PBRM1: variants seen among roughly 807,000 people sequenced by gnomAD.
PBRM1 encodes the protein polybromo 1.
PBRM1 carries 27 observed loss-of-function variants against 194.5 expected under a neutral mutation model. The observed-to-expected ratio is 0.14, with a 90% confidence interval of 0.10 to 0.19. The LOEUF (loss-of-function observed/expected upper bound fraction) is 0.19. Ranked by LOEUF, PBRM1 falls within the 10% of genes least tolerant of loss-of-function variation. PBRM1 has a pLI of 1.00. For missense variants in PBRM1, 1,466 were observed against 2,077.2 expected, an observed-to-expected ratio of 0.71 and a Z score of 5.72; for synonymous variants, 655 against 693.2, an observed-to-expected ratio of 0.94 and a Z score of 0.87.
chr3:52,662,570 G>A (rs1033166715), intron 3 of PBRM1, among the ~76,000 whole-genome samples: 2 of 152,190 alleles, frequency 1.3e-5, no homozygotes, highest in Non-Finnish European at 2.9e-5. Flanking sequence ...GCTCATGCCT[G>A]TAATCCCAGC....
At chr3:52,674,643 A>AATATATAT (rs1189318541) in intron 2 of PBRM1, among the ~76,000 whole-genome samples, 1 of 72,420 alleles carries the variant, frequency 1.4e-5, no homozygotes, top group Non-Finnish European at 3.1e-5. Flanking sequence ...AAAAAAAAAA[A>AATATATAT]ATATATATAT....
rs538232753 is a variant in PBRM1, at chr3:52,660,941, T to A, written c.528+1192A>T. Among the ~76,000 whole-genome samples, 10 of 152,360 alleles carry A rather than the reference T, an allele frequency of 6.6e-5. No homozygotes were observed. The East Asian group carries it at 1.9e-3, about 29-fold the overall frequency. ...GAAGAAAGGGGAATATTCTGCAATGTGCTTCTCACAATTTAGCTGTAGAAA... is the reference window on the plus strand; with the variant it reads ...GAAGAAAGGGGAATATTCTGCAATGAGCTTCTCACAATTTAGCTGTAGAAA... On this transcript the variant is annotated intron_variant, in intron 4 of 29. Transcript: ENST00000296302.
exon 9 of PBRM1, chr3:52,643,249 G>C (rs374515597): frequency 2.5e-6 from 4 of 1,603,154 alleles, no homozygotes; most frequent in East Asian, 2.2e-5. Flanking sequence ...TTTTCTCACC[G>C]GTAATACTTG....
chr3:52,549,580 T>C (rs2080356130), intron 29 of PBRM1, among the ~76,000 whole-genome samples: 1 of 152,076 alleles, frequency 6.6e-6, no homozygotes, highest in Non-Finnish European at 1.5e-5. Flanking sequence ...ATGAGAAAAC[T>C]AGGCTTTGAA....
At chr3:52,657,360 C>T (rs971237177) in intron 5 of PBRM1, among the ~76,000 whole-genome samples, 1 of 152,016 alleles carries the variant, frequency 6.6e-6, no homozygotes, top group African/African-American at 2.4e-5. Context: ...AAACAAAAAA[C>T]GTAAAAATAA....
rs58430288 is a variant in PBRM1, at chr3:52,571,856, C to CAAAAAAAAAAAAAAAA, written c.3691+4669_3691+4684dup. Among the ~76,000 whole-genome samples the CAAAAAAAAAAAAAAAA allele has an allele frequency of 1.9e-4, 7 of 37,092 alleles. 3 individuals are homozygous for CAAAAAAAAAAAAAAAA. The highest frequency in any genetic ancestry group is 8.0e-4 in the African/African-American group (7 of 8,724). 24.3% of individuals were successfully genotyped at this position (37,092 alleles called of 152,430 possible). A position where few individuals can be genotyped will look rare whatever the true frequency, so the allele number is the denominator to read the frequency against. On this transcript the variant is annotated intron_variant, in intron 22 of 29. Transcript: ENST00000296302. ...GAGCAAGAGGGATACCTCATCTCCC[C>CAAAAAAAAAAAAAAAA]AAAAAAAAAAAAAAAAAAAAAAAAA...
At chr3:52,678,460 C>G (rs2097150320) in intron 2 of PBRM1, 40 bp downstream of exon 3, 1 of 1,347,322 alleles carries the variant, frequency 7.4e-7, no homozygotes, top group South Asian at 1.2e-5. Flanking sequence ...GGACTCTGGA[C>G]CAAATCCCCC....
chr3:52,556,576 T>G (rs542426481), intron 26 of PBRM1, among the ~76,000 whole-genome samples: 10 of 152,338 alleles, frequency 6.6e-5, no homozygotes, highest in African/African-American at 2.4e-4. Context: ...ACATGACACT[T>G]GTCTTCATTA....
chr3:52,585,645 C>G (rs1241601110), intron 20 of PBRM1: 1 of 152,532 alleles, frequency 6.6e-6, no homozygotes, highest in African/African-American at 2.4e-5. Context: ...TCTCCTGCCT[C>G]AGCCTCCCGT....
chr3:52,546,981 A>G (rs2079762342), downstream of PBRM1: 1 of 233,158 alleles, frequency 4.3e-6, no homozygotes, highest in Non-Finnish European at 8.5e-6. Context: ...GAATACTAAA[A>G]CATACTTGTA....
intron 5 of PBRM1, 84 bp downstream of exon 6, chr3:52,658,115 C>CT (rs1403216671): frequency 1.4e-6 from 1 of 738,740 alleles, no homozygotes; most frequent in Non-Finnish European, 2.5e-6. Flanking sequence ...TTTGAACTTA[C>CT]TTTATTTATC....
At chr3:52,575,508 C>CTTTTTTTTTTTTTTTTTTTTT in intron 22 of PBRM1, among the ~76,000 whole-genome samples, 1 of 87,138 alleles carries the variant, frequency 1.1e-5, no homozygotes, top group Non-Finnish European at 2.2e-5. Context: ...AATCAATTGT[C>CTTTTTTTTTTTTTTTTTTTTT]TTTTTTTTTT....
chr3:52,552,248 TA>T (rs898936491), intron 27 of PBRM1, among the ~76,000 whole-genome samples: 3 of 152,130 alleles, frequency 2.0e-5, no homozygotes, highest in African/African-American at 7.2e-5. Context: ...CTAAACTGTG[TA>T]AATCATTGCT....
chr3:52,562,494 G>A (rs2083871843), intron 24 of PBRM1, among the ~76,000 whole-genome samples: 1 of 150,520 alleles, frequency 6.6e-6, no homozygotes, highest in South Asian at 2.1e-4. Flanking sequence ...TTCCATGGGT[G>A]CAATCTGTAA....
intron 20 of PBRM1, among the ~76,000 whole-genome samples, chr3:52,580,613 T>C (rs564132328): frequency 2.6e-5 from 4 of 152,124 alleles, no homozygotes; most frequent in Non-Finnish European, 5.9e-5. Flanking sequence ...CCACCCGCCT[T>C]GGCCTCCCAA....
intron 13 of PBRM1, among the ~76,000 whole-genome samples, chr3:52,626,529 G>C (rs1440939273): frequency 6.6e-6 from 1 of 152,180 alleles, no homozygotes; most frequent in East Asian, 1.9e-4. Flanking sequence ...TGGATTGACT[G>C]TTGCTGCAAA....
chr3:52,599,703 G>A (rs902902657), intron 17 of PBRM1, among the ~76,000 whole-genome samples: 2 of 151,048 alleles, frequency 1.3e-5, no homozygotes, highest in Admixed American at 6.6e-5. Flanking sequence ...TGATGGGCGC[G>A]CCTGTAATCC....
chr3:52,620,098 G>A (rs1327262020), intron 13 of PBRM1, among the ~76,000 whole-genome samples: 1 of 152,138 alleles, frequency 6.6e-6, no homozygotes, highest in African/African-American at 2.4e-5. Flanking sequence ...AGACATCCTG[G>A]GGCAATGATG....
At chr3:52,653,140 C>A (rs1037076320) in intron 5 of PBRM1, among the ~76,000 whole-genome samples, 3 of 152,058 alleles carry the variant, frequency 2.0e-5, no homozygotes, top group Non-Finnish European at 4.4e-5. Context: ...ATCTAAATAA[C>A]GTTATTATAT....
Sources: allele counts gnomAD v4.1 joint callset (sites outside exome capture counted in the v4.1 genomes callset), GRCh38; gene constraint gnomAD v4.1.1; transcripts MANE v1.5; gene names NCBI Gene and HGNC (gene_info 2026-07-23, HGNC 2026-07-21).